Variants in ARSG observed in about 807,000 individuals in gnomAD.
The protein encoded by ARSG is arylsulfatase G.
Under a neutral mutation model 50.5 loss-of-function variants are expected in ARSG, and 37 were observed. That is an observed-to-expected ratio of 0.73 (90% CI 0.56 to 0.96). The LOEUF is 0.96. Among genes scored for constraint, ARSG ranks in the 50% least tolerant of loss-of-function variants. ARSG has a pLI of 0.00. For missense variants in ARSG, 629 were observed against 675.3 expected, an observed-to-expected ratio of 0.93 and a Z score of 0.76; for synonymous variants, 225 against 254.6, an observed-to-expected ratio of 0.88 and a Z score of 1.11.
chr17:68,379,796 G>T, intron 8 of ARSG: 1 of 985,116 alleles, frequency 1.0e-6, no homozygotes, highest in Non-Finnish European at 1.2e-6. Context: ...CACTAGGCAT[G>T]CCCAACCAAA....
chr17:68,265,511 GA>G (rs1360402167), intron 1 of ARSG, among the ~76,000 whole-genome samples: 1 of 152,132 alleles, frequency 6.6e-6, no homozygotes, highest in Non-Finnish European at 1.5e-5. Flanking sequence ...CAACAACAAT[GA>G]AAAAGTGTTA....
chr17:68,262,983 A>G lies in ARSG; in HGVS notation c.-552+3557A>G, dbSNP rs148659809. 1.1e-3 allele frequency among the ~76,000 whole-genome samples: 165 copies of G among 152,310 alleles called. 3 individuals carry two copies. In the East Asian group the frequency reaches 0.03, roughly 27 times the overall value. On this transcript the variant is annotated intron_variant, in intron 1 of 11. Coordinates refer to the ARSG transcript ENST00000448504. ...AAGTTTTGGTTGAATTCTAGGGTGTATAAGTTGTTAGGGAAGTTAGCGTGC... is the reference window on the plus strand; with the variant it reads ...AAGTTTTGGTTGAATTCTAGGGTGTGTAAGTTGTTAGGGAAGTTAGCGTGC...
At chr17:68,430,775 A>G in the ARSG span, among the ~76,000 whole-genome samples, 2 of 152,134 alleles carry the variant, frequency 1.3e-5, no homozygotes, top group Non-Finnish European at 2.9e-5. Context: ...TCTGTTGGTG[A>G]GAGACAACCC....
In ARSG at chr17:68,413,109, C is replaced by T. The variant is rs1371181147; in HGVS notation, c.1304-7080C>T. On this transcript the variant is annotated intron_variant, in intron 11 of 11. Coordinates refer to ENST00000621439, the MANE Select transcript of ARSG (RefSeq NM_001267727.2). ...GAGTAATTTGATCGTCTGAAGCCTT[C>T]TTCTCTCAGCTCGTCAAAGTTATTC... Among the ~76,000 whole-genome samples the T allele has an allele frequency of 3.7e-3, 558 of 152,142 alleles. 6 individuals are homozygous for T. Among genetic ancestry groups the T allele is most frequent in the African/African-American group, 0.013 (522 of 41,450 alleles).
chr17:68,450,982 G>C, the ARSG span: 11 of 1,506,048 alleles, frequency 7.3e-6, no homozygotes, highest in East Asian at 1.9e-4. Context: ...GCCCGGCGCA[G>C]GCCAGGTTCC....
At chr17:68,330,043 C>G (rs144782737) in intron 2 of ARSG, among the ~76,000 whole-genome samples, 2,441 of 151,962 alleles carry the variant, frequency 0.016, 28 homozygotes, top group Non-Finnish European at 0.027. Flanking sequence ...AACCCTGTCT[C>G]TATTAAAAAT....
At chr17:68,302,341 GTC>G (rs2076452343) in intron 1 of ARSG, among the ~76,000 whole-genome samples, 1 of 152,104 alleles carries the variant, frequency 6.6e-6, no homozygotes, top group Non-Finnish European at 1.5e-5. Flanking sequence ...AGATGCTTTT[GTC>G]TCTGGAAAAC....
Position 68,271,133 on chromosome 17 carries a change from C to G in ARSG, c.-552+11707C>G. The G allele has an allele frequency of 3.7e-6, 6 of 1,614,148 alleles. No homozygotes were observed. The highest frequency in any genetic ancestry group is 4.2e-6 in the Non-Finnish European group (5 of 1,180,036). On this transcript the variant is annotated intron_variant, in intron 1 of 11. Coordinates refer to the ARSG transcript ENST00000448504. The surrounding 1 kb of genome is among the most constrained non-coding windows in gnomAD (Gnocchi z 5.3). ...AGGACAAAACCAGCTCCGATCCTTC[C>G]GAAAACTTCTGCAATGGCCATCGTA... is the stretch of plus-strand genomic sequence containing the variant.
rs114977092 is a variant in ARSG, at chr17:68,300,355, G to A, written c.-551-6588G>A. ...GATAATTGTTGAATTGAAATGTTGG[G>A]TAAGTACATGTGAGTTTCTCAACTT... is the stretch of plus-strand genomic sequence containing the variant. On this transcript the variant is annotated intron_variant, in intron 1 of 11. Transcript: ENST00000621439. Among the ~76,000 whole-genome samples, 1,424 of 152,298 alleles carry A rather than the reference G, an allele frequency of 9.4e-3. 17 individuals are homozygous for A. Among genetic ancestry groups the A allele is most frequent in the African/African-American group, 0.033 (1,358 of 41,562 alleles).
chr17:68,364,633 T>C (rs1235049986), intron 6 of ARSG, among the ~76,000 whole-genome samples: 2 of 152,230 alleles, frequency 1.3e-5, no homozygotes, highest in Admixed American at 6.5e-5. Flanking sequence ...AGTTCTGGGA[T>C]TACAAGTGTG....
chr17:68,431,881 C>T, the ARSG span, among the ~76,000 whole-genome samples: 1 of 151,956 alleles, frequency 6.6e-6, no homozygotes, highest in Middle Eastern at 3.4e-3. Context: ...TAATAATCCC[C>T]AGTGGAGGCG....
At position 68,420,551 on chromosome 17, in the gene ARSG, A is replaced by T; in HGVS notation, c.*88A>T. On this transcript the variant is annotated 3_prime_UTR_variant, in exon 12 of 12. Transcript: ENST00000621439. ...TCATTTTTACCCTCTTTACAAACAC[A>T]CGCTTTAGTTTAGTCTTGGAGTTTA... 1 of 1,418,474 alleles carries T rather than the reference A, an allele frequency of 7.0e-7. No individual in the cohort carries two copies. The highest frequency in any genetic ancestry group is 9.8e-7 in the Non-Finnish European group (1 of 1,024,818). The allele number at this position is 1,418,474 out of a possible 1,614,324, so 87.9% of individuals were successfully genotyped here.
chr17:68,414,005 C>A (rs534629431), intron 11 of ARSG: 7 of 155,292 alleles, frequency 4.5e-5, no homozygotes, highest in African/African-American at 1.4e-4. Flanking sequence ...CTGACCTGCG[C>A]CCACTGTCTG....
intron 6 of ARSG, among the ~76,000 whole-genome samples, chr17:68,365,324 C>G (rs1028878795): frequency 1.3e-5 from 2 of 152,120 alleles, no homozygotes; most frequent in Non-Finnish European, 2.9e-5. Flanking sequence ...AAACAAAAAA[C>G]AACAACAAAA....
the ARSG span, among the ~76,000 whole-genome samples, chr17:68,438,361 C>A: frequency 3.3e-5 from 5 of 152,190 alleles, no homozygotes; most frequent in African/African-American, 9.7e-5. Flanking sequence ...CTTCTGAATT[C>A]TTTGCTATCC....
intron 7 of ARSG, 142 bp downstream of exon 7, chr17:68,368,886 G>A: frequency 1.0e-6 from 1 of 966,466 alleles, no homozygotes; most frequent in Admixed American, 3.1e-5. Flanking sequence ...GATAAGGCTT[G>A]CTGGCCTGAA....
At chr17:68,409,963 C>A (rs911760868) in intron 11 of ARSG, among the ~76,000 whole-genome samples, 999 of 150,394 alleles carry the variant, frequency 6.6e-3, no homozygotes, top group Middle Eastern at 0.014. Context: ...AATTTTTGTA[C>A]ATTGATTTTG....
At chr17:68,385,430 G>A (rs1409975357) in intron 9 of ARSG, among the ~76,000 whole-genome samples, 1 of 151,568 alleles carries the variant, frequency 6.6e-6, no homozygotes, top group Non-Finnish European at 1.5e-5. Flanking sequence ...TTGGGAGGCT[G>A]AGGCAGGAGG....
rs774465457 is a variant in ARSG, at chr17:68,385,125, C to T, written c.1044C>T (p.Tyr348=). The T allele has an allele frequency of 2.1e-5, 34 of 1,613,974 alleles. No homozygotes were observed. Among genetic ancestry groups the T allele is most frequent in the Non-Finnish European group, 2.7e-5 (32 of 1,179,984 alleles). ...EGGHRVPALA[Y]WPGRVPVNVT... The stretch of plus-strand genomic sequence containing the variant: ...GGCACCGGGTCCCAGCACTGGCTTA[C>T]TGGCCTGGCAGAGTTCCAGTTAATG... The change falls in exon 9 of 12, where the codon TAC becomes TAT. Residue 348 remains tyrosine, a synonymous_variant. Coordinates refer to ENST00000621439, the MANE Select transcript of ARSG (RefSeq NM_001267727.2).
Sources: gnomAD v4.1 joint callset for allele counts (sites outside exome capture counted in the v4.1 genomes callset) on GRCh38, gnomAD v4.1.1 for gene constraint, Gnocchi (gnomAD v3.1) non-coding constraint, MANE v1.5 for transcripts, NCBI Gene and HGNC (gene_info 2026-07-23, HGNC 2026-07-21) for gene names.